DCC: variants seen among roughly 807,000 people sequenced by gnomAD.
DCC encodes netrin receptor DCC.
In DCC, 58 loss-of-function variants were observed where a neutral mutation model predicts 172.5. The observed-to-expected ratio is 0.34, with a 90% confidence interval of 0.27 to 0.42. DCC has a LOEUF of 0.42. Ranked by LOEUF, DCC falls within the 10% of genes least tolerant of loss-of-function variation. The probability of loss-of-function intolerance (pLI) is 1.00; values close to 1 mark genes in which losing one functional copy is unlikely to be tolerated. For missense variants in DCC, 1,740 were observed against 1,791.0 expected, an observed-to-expected ratio of 0.97 and a Z score of 0.51; for synonymous variants, 709 against 644.5, an observed-to-expected ratio of 1.10 and a Z score of -1.52.
chr18:52,647,775 C>T lies in DCC; in HGVS notation c.92-104279C>T, dbSNP rs957622364. ...TAATGTTTTCTAAAGTAGTTTTAGT[C>T]ACTAACTTATTCAGTGAAGACTGAT... is the stretch of plus-strand genomic sequence containing the variant. On this transcript the variant is annotated intron_variant, in intron 1 of 28. Coordinates refer to ENST00000442544, the MANE Select transcript of DCC (RefSeq NM_005215.4). Among the ~76,000 whole-genome samples, 5 of 152,166 alleles carry T rather than the reference C, an allele frequency of 3.3e-5. No individual in the cohort carries two copies. The East Asian group carries it at 9.6e-4, about 29-fold the overall frequency.
At chr18:52,953,066 T>C (rs907360538) in intron 5 of DCC, among the ~76,000 whole-genome samples, 1 of 150,084 alleles carries the variant, frequency 6.7e-6, no homozygotes, top group Non-Finnish European at 1.5e-5. Context: ...TAATATTCCT[T>C]ACATCATTCT....
intron 1 of DCC, among the ~76,000 whole-genome samples, chr18:52,449,989 A>G (rs1361111261): frequency 1.3e-5 from 2 of 152,200 alleles, no homozygotes; most frequent in Non-Finnish European, 2.9e-5. Flanking sequence ...CAGCATGAGA[A>G]CAGACTAATA....
intron 12 of DCC, among the ~76,000 whole-genome samples, chr18:53,217,439 G>A (rs890333150): frequency 6.6e-6 from 1 of 151,940 alleles, no homozygotes; most frequent in African/African-American, 2.4e-5. Context: ...ACATTGCACT[G>A]CTAGAAAGTT....
intron 1 of DCC, among the ~76,000 whole-genome samples, chr18:52,351,224 A>T (rs545898257): frequency 6.6e-6 from 1 of 152,312 alleles, no homozygotes; most frequent in East Asian, 1.9e-4. Context: ...TTCCAAGATC[A>T]GTGTACCCAG....
intron 2 of DCC, among the ~76,000 whole-genome samples, chr18:52,904,116 C>A (rs1393763317): frequency 6.6e-6 from 1 of 152,086 alleles, no homozygotes; most frequent in Non-Finnish European, 1.5e-5. Flanking sequence ...ATTTCAGAGC[C>A]TTAGTTTAAG....
chr18:53,179,050 G>T lies in DCC; in HGVS notation c.1507G>T (p.Val503Leu), dbSNP rs568659158. 6.2e-7 allele frequency: 1 copy of T among 1,614,030 alleles called. No homozygotes were observed. The highest frequency in any genetic ancestry group is 2.2e-5 in the East Asian group (1 of 44,872). ...AGAAGCCATGTACACCTTTCGAGTTGTGGCTTACAATGAATGGGGACCGGG... is the reference window on the plus strand; with the variant it reads ...AGAAGCCATGTACACCTTTCGAGTTTTGGCTTACAATGAATGGGGACCGGG... ...KPEAMYTFRVVAYNEWGPGES... is the reference protein window; with the variant it reads ...KPEAMYTFRVLAYNEWGPGES... Residue 503 changes from valine to leucine, a missense_variant, in exon 9 of 29, where the codon GTG becomes TTG. Physicochemically the swap from Val to Leu is conservative, Grantham distance 32. Around this residue, in one of 2 missense-constraint regions of DCC, gnomAD observed 1,732 missense variants for 1,767.4 expected, o/e 0.98. Coordinates refer to ENST00000442544, the MANE Select transcript of DCC (RefSeq NM_005215.4).
chr18:52,759,806 C>G (rs1764538748), intron 2 of DCC, among the ~76,000 whole-genome samples: 1 of 151,874 alleles, frequency 6.6e-6, no homozygotes, highest in Non-Finnish European at 1.5e-5. Context: ...CACAGATTAA[C>G]AAGAAAAAAG....
chr18:52,429,599 A>G (rs902267772), intron 1 of DCC, among the ~76,000 whole-genome samples: 1 of 152,130 alleles, frequency 6.6e-6, no homozygotes, highest in African/African-American at 2.4e-5. Context: ...AACAAATAGC[A>G]ACAAGGCTTC....
At chr18:52,525,686 T>C (rs962956699) in intron 1 of DCC, among the ~76,000 whole-genome samples, 4 of 152,222 alleles carry the variant, frequency 2.6e-5, no homozygotes, top group Non-Finnish European at 4.4e-5. Context: ...TAAGTACTTG[T>C]TGACAAATAG....
At chr18:52,917,928 T>C (rs1394875096) in intron 3 of DCC, among the ~76,000 whole-genome samples, 1 of 152,206 alleles carries the variant, frequency 6.6e-6, no homozygotes, top group African/African-American at 2.4e-5. Flanking sequence ...AGCATCACAT[T>C]AAAGAGGTAT....
intron 5 of DCC, among the ~76,000 whole-genome samples, chr18:53,031,759 C>T (rs1211028619): frequency 6.6e-6 from 1 of 151,976 alleles, no homozygotes; most frequent in Non-Finnish European, 1.5e-5. Flanking sequence ...TTCAATGATA[C>T]TTTCTTGGGA....
At chr18:53,000,209 C>A (rs193180795) in intron 5 of DCC, among the ~76,000 whole-genome samples, 171 of 152,098 alleles carry the variant, frequency 1.1e-3, no homozygotes, top group African/African-American at 3.7e-3. Context: ...TAATAGAATA[C>A]CTGAAAGGCT....
intron 12 of DCC, among the ~76,000 whole-genome samples, chr18:53,276,333 C>G (rs138598906): frequency 8.4e-4 from 128 of 152,236 alleles, no homozygotes; most frequent in African/African-American, 3.0e-3. Flanking sequence ...AATATGTCAC[C>G]TTTCTTTTTT....
intron 12 of DCC, among the ~76,000 whole-genome samples, chr18:53,238,103 TTC>T (rs1232446474): frequency 6.6e-6 from 1 of 152,208 alleles, no homozygotes; most frequent in African/African-American, 2.4e-5. Context: ...GTTTCTTATA[TTC>T]CTTGAATTTA....
chr18:52,908,801 A>G (rs2039927172), intron 3 of DCC, among the ~76,000 whole-genome samples: 1 of 152,184 alleles, frequency 6.6e-6, no homozygotes, highest in Non-Finnish European at 1.5e-5. Context: ...TGAAACTGAT[A>G]TTTTTGTAAA....
At chr18:52,787,742 A>G (rs28872917) in intron 2 of DCC, among the ~76,000 whole-genome samples, 6,552 of 152,126 alleles carry the variant, frequency 0.043, 220 homozygotes, top group South Asian at 0.16. Context: ...AATGTTAGAG[A>G]TTTAAAACAC....
At position 52,567,677 on chromosome 18, in the gene DCC, A is replaced by G. The variant is rs28460250; in HGVS notation, c.92-184377A>G. Among the ~76,000 whole-genome samples, 859 of 152,278 alleles carry G rather than the reference A, an allele frequency of 5.6e-3. 14 individuals carry two copies. Among genetic ancestry groups the G allele is most frequent in the African/African-American group, 0.02 (818 of 41,574 alleles). ...GAGATTCTAAAGCAGGGATGAAAGGAGGATGAGTGATGAGAAATTACTTCG... is the reference window on the plus strand; with the variant it reads ...GAGATTCTAAAGCAGGGATGAAAGGGGGATGAGTGATGAGAAATTACTTCG... On this transcript the variant is annotated intron_variant, in intron 1 of 28. Coordinates refer to ENST00000442544, the MANE Select transcript of DCC (RefSeq NM_005215.4).
At chr18:52,675,505 C>A (rs532889146) in intron 1 of DCC, among the ~76,000 whole-genome samples, 4 of 152,280 alleles carry the variant, frequency 2.6e-5, no homozygotes, top group African/African-American at 9.6e-5. Context: ...TAATTGAAGT[C>A]TCATGCCTCC....
chr18:52,660,176 G>A (rs972529237), intron 1 of DCC, among the ~76,000 whole-genome samples: 2 of 152,114 alleles, frequency 1.3e-5, no homozygotes, highest in African/African-American at 4.8e-5. Context: ...GTGATTAAAA[G>A]GAGAGGTGAA....
Sources: allele counts gnomAD v4.1 joint callset (sites outside exome capture counted in the v4.1 genomes callset), GRCh38; gene constraint gnomAD v4.1.1; regional missense constraint gnomAD v4.1.1; transcripts MANE v1.5; gene names NCBI Gene and HGNC (gene_info 2026-07-23, HGNC 2026-07-21).